ST6GALNAC6: variants seen among roughly 807,000 people sequenced by gnomAD.
The protein encoded by ST6GALNAC6 is alpha-N-acetylgalactosaminide alpha-2,6-sialyltransferase 6.
A neutral mutation model predicts 34.3 loss-of-function variants in ST6GALNAC6; 19 were observed. That is an observed-to-expected ratio of 0.55 (90% CI 0.39 to 0.81). The LOEUF (loss-of-function observed/expected upper bound fraction) is 0.81. ST6GALNAC6 is among the 40% of genes least tolerant of loss of function. The pLI is 0.00. For missense variants in ST6GALNAC6, 377 were observed against 467.7 expected (o/e 0.81, Z 1.79); for synonymous variants, 185 against 182.1 (o/e 1.02, Z -0.13).
chr9:127,894,635 G>C lies in ST6GALNAC6; in HGVS notation c.174C>G (p.Leu58=). Residue 58 remains leucine (L), a synonymous_variant, in exon 4 of 7, where the codon CTC becomes CTG. Transcript: ENST00000373146. ...CCTCATTGGCACTGTTGGAGCTGTA[G>C]AGGATGAGGATGGTGATGAGGGCAA... The part of the protein sequence containing the change: ...ILFALITILI[L]YSSNSANEVF... The C allele has an allele frequency of 5.0e-6, 8 of 1,614,232 alleles. No individual in the cohort carries two copies. The highest frequency in any genetic ancestry group is 6.8e-6 in the Non-Finnish European group (8 of 1,180,046).
chr9:127,895,069 T>C (rs1830371186), intron 3 of ST6GALNAC6, among the ~76,000 whole-genome samples: 2 of 152,218 alleles, frequency 1.3e-5, no homozygotes, highest in Admixed American at 1.3e-4. Flanking sequence ...GTGGGACATC[T>C]GAGTGAGAGG....
At chr9:127,886,962 A>ATTT (rs35918357) in intron 6 of ST6GALNAC6, among the ~76,000 whole-genome samples, 174 bp from the exon 7 acceptor site, 78 of 145,332 alleles carry the variant, frequency 5.4e-4, no homozygotes, top group Middle Eastern at 3.6e-3. Context: ...GTAACCACCA[A>ATTT]TTTTTTTTTT....
At chr9:127,889,692 T>C (rs7032587) in intron 5 of ST6GALNAC6, among the ~76,000 whole-genome samples, 151,884 of 152,218 alleles carry the variant, frequency 1, 75,776 homozygotes, top group Middle Eastern at 1. Flanking sequence ...ATCCGTCCAC[T>C]TCGGCCTCCC....
chr9:127,894,378 C>T, intron 4 of ST6GALNAC6, 134 bp downstream of exon 4: 1 of 1,156,382 alleles, frequency 8.6e-7, no homozygotes, highest in South Asian at 1.5e-5. Flanking sequence ...CAAGGTCACA[C>T]AGCAAGCAGC....
intron 5 of ST6GALNAC6, among the ~76,000 whole-genome samples, chr9:127,889,444 CTT>C (rs200272209): frequency 0.88 from 123,050 of 139,546 alleles, 54,808 homozygotes; most frequent in Non-Finnish European, 0.94. Context: ...TCTTTTTTTT[CTT>C]TTTTTTTTTT....
chr9:127,901,107 G>A (rs1444050234), upstream of ST6GALNAC6, among the ~76,000 whole-genome samples: 10 of 151,718 alleles, frequency 6.6e-5, no homozygotes, highest in African/African-American at 2.4e-4. Context: ...TGCCCAAGGA[G>A]GTTCATAGCA....
Position 127,886,306 on chromosome 9 carries a change from T to C in ST6GALNAC6, c.*293A>G. On this transcript the variant is annotated 3_prime_UTR_variant, in exon 7 of 7. Transcript: ENST00000373146. ...AACCAAGGCCTCATGGGAAAGGACA[T>C]GTCCTTAGCCTCAGATTGACTCAGA... The C allele has an allele frequency of 1.4e-6, 1 of 727,248 alleles. No homozygotes were observed. The highest frequency in any genetic ancestry group is 2.0e-6 in the Non-Finnish European group (1 of 488,950). 45.0% of individuals were successfully genotyped at this position (727,248 alleles called of 1,614,324 possible). A position where few individuals can be genotyped will look rare whatever the true frequency, so the allele number is the denominator to read the frequency against.
chr9:127,897,809 G>A lies in ST6GALNAC6; in HGVS notation c.26+147C>T, dbSNP rs112640367. The A allele has an allele frequency of 1.0e-3, 1,582 of 1,526,574 alleles. 21 individuals are homozygous for A. In the African/African-American group the frequency reaches 0.019, roughly 18 times the overall value. The allele number at this position is 1,526,574 out of a possible 1,614,324, so 94.6% of individuals were successfully genotyped here. On this transcript the variant is annotated intron_variant, in intron 2 of 6. Coordinates refer to ENST00000373146, the MANE Select transcript of ST6GALNAC6 (RefSeq NM_013443.5). ...CCTTTCCTGCGGATGCCCCCTGCCC[G>A]CCGCCCACTTTCCCACCTTTGCCCG...
upstream of ST6GALNAC6, chr9:127,903,203 T>C (rs1360689820): frequency 6.6e-6 from 1 of 151,848 alleles, no homozygotes; most frequent in African/African-American, 2.4e-5. Context: ...TTCACTGTGT[T>C]AGCCAGGATG....
At chr9:127,891,889 C>T (rs1046888245) in intron 4 of ST6GALNAC6, among the ~76,000 whole-genome samples, 3 of 150,428 alleles carry the variant, frequency 2.0e-5, no homozygotes, top group Non-Finnish European at 3.0e-5. Flanking sequence ...CGATGGCTCA[C>T]GCCTGTAATC....
chr9:127,886,590 C>G lies in ST6GALNAC6; in HGVS notation c.*9G>C. ...TCTGACCCTCCTGAGGTCCCACAGG[C>G]TGGGTGGCCTAGGTCCAGGAGGGGT... On this transcript the variant is annotated 3_prime_UTR_variant, in exon 7 of 7. Transcript: ENST00000373146. 1 of 1,613,628 alleles carries G rather than the reference C, an allele frequency of 6.2e-7. No homozygotes were observed. Among genetic ancestry groups the G allele is most frequent in the Admixed American group, 1.7e-5 (1 of 59,976 alleles).
upstream of ST6GALNAC6, chr9:127,903,947 G>A (rs577317437): frequency 5.9e-5 from 9 of 152,318 alleles, no homozygotes; most frequent in South Asian, 1.9e-3. Context: ...ATCTGGGCCT[G>A]GAGCTGCCTG....
exon 1 of ST6GALNAC6, chr9:127,905,218 T>C (rs963779727): frequency 7.1e-6 from 7 of 985,542 alleles, no homozygotes; most frequent in African/African-American, 1.7e-5. Context: ...TCAAGGAAGC[T>C]GCAGGAACTG....
chr9:127,897,285 G>A (rs1016477012), intron 2 of ST6GALNAC6: 1 of 985,890 alleles, frequency 1.0e-6, no homozygotes, highest in Non-Finnish European at 1.2e-6. Context: ...GCAGAGGGAA[G>A]AAACTGGGGC....
In ST6GALNAC6 at chr9:127,896,275, G is replaced by A; in HGVS notation, c.84C>T (p.Leu28=). Residue 28 remains leucine, a synonymous_variant, in exon 3 of 7, where the codon CTC becomes CTT. Coordinates refer to ENST00000373146, the MANE Select transcript of ST6GALNAC6 (RefSeq NM_013443.5). ...GPPAGRRHLP[L]SRRRREMSSN... ...TACTCATTTCTCTCCGGCGTCTGCT[G>A]AGGGGTAGGTGTCGGCGTCCTGCAG... 6.2e-7 allele frequency: 1 copy of A among 1,614,186 alleles called. No homozygotes were observed. The highest frequency in any genetic ancestry group is 8.5e-7 in the Non-Finnish European group (1 of 1,180,012).
At chr9:127,896,572 A>G (rs549182077) in intron 2 of ST6GALNAC6, among the ~76,000 whole-genome samples, 188 of 152,298 alleles carry the variant, frequency 1.2e-3, no homozygotes, top group Non-Finnish European at 2.1e-3. Flanking sequence ...GGGCCTTCCC[A>G]CACCAAGGCA....
intron 2 of ST6GALNAC6, 78 bp from the exon 3 acceptor site, chr9:127,896,410 C>T (rs1830457861): frequency 2.4e-6 from 3 of 1,254,120 alleles, no homozygotes; most frequent in East Asian, 2.3e-5. Context: ...TTCTCTGCCC[C>T]GCACTAGTTC....
chr9:127,896,433 A>G (rs1295774639), intron 2 of ST6GALNAC6, 101 bp from the exon 3 acceptor site: 1 of 999,714 alleles, frequency 1.0e-6, no homozygotes, highest in Non-Finnish European at 1.5e-6. Context: ...CTATGCACCC[A>G]GAACTTTAAG....
chr9:127,889,850 G>A (rs1389140119), intron 5 of ST6GALNAC6, among the ~76,000 whole-genome samples: 3 of 152,126 alleles, frequency 2.0e-5, no homozygotes, highest in African/African-American at 7.2e-5. Flanking sequence ...AAATATTTAG[G>A]TATAAATCTA....
Sources: gnomAD v4.1 joint callset for allele counts (sites outside exome capture counted in the v4.1 genomes callset) on GRCh38, gnomAD v4.1.1 for gene constraint, MANE v1.5 for transcripts, NCBI Gene and HGNC (gene_info 2026-07-23, HGNC 2026-07-21) for gene names.